Variants in REPS2 observed in about 807,000 individuals in gnomAD.
REPS2 encodes RALBP1 associated Eps domain containing 2.
REPS2 carries 23 observed loss-of-function variants against 53.6 expected under a neutral mutation model. That is an observed-to-expected ratio of 0.43 (90% CI 0.31 to 0.61). The LOEUF is 0.61. Among genes scored for constraint, REPS2 ranks in the 20% least tolerant of loss-of-function variants. REPS2 has a pLI of 0.11. For synonymous variants in REPS2, 238 were observed against 218.6 expected (o/e 1.09, Z -0.78); for missense variants, 446 against 534.9 (o/e 0.83, Z 1.64).
intron 1 of REPS2, among the ~76,000 whole-genome samples, chrX:16,979,047 T>C (rs1174968862): frequency 5.4e-5 from 6 of 112,094 alleles, no homozygotes; most frequent in Non-Finnish European, 1.1e-4. Flanking sequence ...TCCGATAGGC[T>C]TTACCTTAAC....
At chrX:17,130,510 C>T (rs1382697250) in intron 14 of REPS2, among the ~76,000 whole-genome samples, 7 of 111,587 alleles carry the variant, frequency 6.3e-5, no homozygotes, top group South Asian at 7.6e-4. Flanking sequence ...GAGTCTTTGC[C>T]GACCCATGAG....
At chrX:17,086,431 A>G (rs1360560947) in intron 13 of REPS2, among the ~76,000 whole-genome samples, 1 of 112,597 alleles carries the variant, frequency 8.9e-6, no homozygotes, top group African/African-American at 3.2e-5. Flanking sequence ...ATCATTGCCT[A>G]CATCCAGTGG....
chrX:17,131,319 C>G (rs1373373170), intron 14 of REPS2, among the ~76,000 whole-genome samples: 2 of 111,370 alleles, frequency 1.8e-5, no homozygotes, highest in Non-Finnish European at 3.8e-5. Flanking sequence ...AGGTGCTATA[C>G]TGGGCAGAAG....
intron 11 of REPS2, 72 bp downstream of exon 11, chrX:17,070,065 A>G: frequency 2.1e-6 from 1 of 481,143 alleles, no homozygotes; most frequent in African/African-American, 2.5e-5. Context: ...GTCAGTGAGT[A>G]GAAGATTGAT....
intron 6 of REPS2, among the ~76,000 whole-genome samples, chrX:17,050,199 T>TC (rs1555926883): frequency 4.4e-5 from 3 of 68,480 alleles, no homozygotes; most frequent in East Asian, 7.5e-4. Flanking sequence ...TCTTTCTTTT[T>TC]TTTTTTTTTT....
chrX:17,046,145 A>T (rs187961335), intron 5 of REPS2, among the ~76,000 whole-genome samples: 2,698 of 105,092 alleles, frequency 0.026, 94 homozygotes, highest in African/African-American at 0.09. Context: ...CATCTTTTTT[A>T]TTTATTTTTA....
intron 1 of REPS2, among the ~76,000 whole-genome samples, chrX:16,959,072 A>C (rs1569088516): frequency 8.9e-6 from 1 of 112,047 alleles, no homozygotes; most frequent in African/African-American, 3.2e-5. Context: ...GTCTGTTTGC[A>C]TTTGGATATG....
intron 1 of REPS2, among the ~76,000 whole-genome samples, chrX:16,960,853 G>T (rs988751434): frequency 8.9e-6 from 1 of 111,819 alleles, no homozygotes; most frequent in Admixed American, 9.5e-5. Flanking sequence ...TCCCATTTAT[G>T]ATAACATAAA....
At chrX:17,190,400 T>C in the REPS2 span, among the ~76,000 whole-genome samples, 1 of 112,414 alleles carries the variant, frequency 8.9e-6, no homozygotes, top group Non-Finnish European at 1.9e-5. Context: ...AACATTTAAG[T>C]GTTAGTCTAA....
chrX:17,136,312 C>T (rs898281529), intron 16 of REPS2: 1 of 112,247 alleles, frequency 8.9e-6, no homozygotes, highest in Non-Finnish European at 1.9e-5. Flanking sequence ...TGAATCTCTG[C>T]AGCCCTCTCC....
At chrX:17,111,797 C>T (rs1172762925) in intron 14 of REPS2, among the ~76,000 whole-genome samples, 1 of 111,513 alleles carries the variant, frequency 9.0e-6, no homozygotes, top group Non-Finnish European at 1.9e-5. Flanking sequence ...CTAGAGGGAT[C>T]CTACTAGTGC....
intron 9 of REPS2, among the ~76,000 whole-genome samples, chrX:17,063,519 C>T (rs1453751463): frequency 1.8e-5 from 2 of 112,103 alleles, no homozygotes; most frequent in Non-Finnish European, 3.8e-5. Context: ...ACTAACATCT[C>T]TCTGCCATTT....
At chrX:17,168,368 G>T in the REPS2 span, among the ~76,000 whole-genome samples, 19 of 111,402 alleles carry the variant, frequency 1.7e-4, no homozygotes, top group South Asian at 3.8e-4. Flanking sequence ...ACAAAAATTA[G>T]CTGGGCATGG....
chrX:17,132,501 T>C (rs923660354), intron 14 of REPS2, among the ~76,000 whole-genome samples: 1 of 112,820 alleles, frequency 8.9e-6, no homozygotes, highest in Non-Finnish European at 1.9e-5. Flanking sequence ...GGAAAGGTGT[T>C]TTCTCCACAT....
intron 9 of REPS2, among the ~76,000 whole-genome samples, chrX:17,063,951 C>G (rs868331829): frequency 9.3e-6 from 1 of 108,045 alleles, no homozygotes; most frequent in African/African-American, 3.4e-5. Context: ...CACACACACA[C>G]AGTCTCTCTC....
At chrX:17,130,748 G>T (rs1262370017) in intron 14 of REPS2, among the ~76,000 whole-genome samples, 15 of 111,921 alleles carry the variant, frequency 1.3e-4, no homozygotes, top group Non-Finnish European at 2.1e-4. Context: ...GAGACTGTAT[G>T]GCATAGTGGT....
rs541352799 is a variant in REPS2 at position 17,047,379 on chromosome X, C to T, written c.804C>T (p.Asn268=). 4.9e-5 allele frequency: 59 copies of T among 1,208,786 alleles called. 1 individual carries two copies. In the South Asian group the frequency reaches 1.0e-3, roughly 21 times the overall value. The part of the protein sequence containing the change: ...SFSVERELQD[N]SSYPDEPWRI... ...CAGTGGAGAGGGAACTACAGGATAA[C>T]AGCAGTTACCCCGACGAACCCTGGA... The change falls in exon 6 of 18, where the codon AAC becomes AAT. Residue 268 remains asparagine, a synonymous_variant. Transcript: ENST00000357277.
At chrX:17,050,177 TCTTTCTTTCTTTCTTTC>T (rs2061969820) in intron 6 of REPS2, among the ~76,000 whole-genome samples, 4 of 52,538 alleles carry the variant, frequency 7.6e-5, no homozygotes, top group African/African-American at 3.5e-4. Context: ...TTTCTTTCTT[TCTTTCTTTCTTTCTTTC>T]TTTTTTTTTT....
At chrX:17,016,733 T>C (rs1247945763) in intron 2 of REPS2, among the ~76,000 whole-genome samples, 2 of 106,916 alleles carry the variant, frequency 1.9e-5, no homozygotes, top group Non-Finnish European at 3.8e-5. Flanking sequence ...AATATAATTT[T>C]CACATCATGA....
Sources: allele counts gnomAD v4.1 joint callset (sites outside exome capture counted in the v4.1 genomes callset), GRCh38; gene constraint gnomAD v4.1.1; transcripts MANE v1.5; gene names NCBI Gene and HGNC (gene_info 2026-07-23, HGNC 2026-07-21).